Variants in PSMA2 observed in about 807,000 individuals in gnomAD.
PSMA2 encodes proteasome subunit alpha type-2.
In PSMA2, 2 loss-of-function variants were observed where a neutral mutation model predicts 35.9. The ratio of observed to expected loss-of-function variants is 0.06; its 90% CI spans 0.02 to 0.18. PSMA2 has a LOEUF of 0.18. Ranked by LOEUF, PSMA2 falls within the 10% of genes least tolerant of loss-of-function variation. The pLI is 1.00. For missense variants in PSMA2, 126 were observed against 278.8 expected (o/e 0.45, Z 3.90); for synonymous variants, 97 against 98.2 (o/e 0.99, Z 0.07).
At chr7:42,927,480 T>A in intron 1 of PSMA2, 21 bp from the exon 2 acceptor site, 12 of 1,603,128 alleles carry the variant, frequency 7.5e-6, no homozygotes, top group Non-Finnish European at 1.0e-5. Context: ...ACACAGGTAT[T>A]TGTAAGTTCA....
chr7:42,919,825 A>T, intron 6 of PSMA2: 1 of 721,598 alleles, frequency 1.4e-6, no homozygotes, highest in Non-Finnish European at 2.6e-6. Flanking sequence ...TTAGAATCCT[A>T]CAAAGGACAC....
In PSMA2 at chr7:42,927,408, T is replaced by C. The variant is rs1280913912; in HGVS notation, c.93A>G (p.Gly31=). The C allele has an allele frequency of 6.2e-7, 1 of 1,614,120 alleles. No homozygotes were observed. The highest frequency in any genetic ancestry group is 8.5e-7 in the Non-Finnish European group (1 of 1,180,002). ...QIEYALAAVA[G]GAPSVGIKAA... ...CTTTAATTCCCACGGACGGGGCTCCTCCAGCTACAGCAGCCAAAGCATATT... is the reference window on the plus strand; with the variant it reads ...CTTTAATTCCCACGGACGGGGCTCCCCCAGCTACAGCAGCCAAAGCATATT... Residue 31 remains glycine (G), a synonymous_variant, in exon 2 of 8, where the codon GGA becomes GGG. Transcript: ENST00000223321.
At chr7:42,929,142 A>G (rs1786256717) in intron 1 of PSMA2, among the ~76,000 whole-genome samples, 1 of 152,184 alleles carries the variant, frequency 6.6e-6, no homozygotes, top group African/African-American at 2.4e-5. Context: ...CACATAACCT[A>G]ATACCAGGAA....
intron 6 of PSMA2, chr7:42,919,286 A>G: frequency 1.6e-6 from 1 of 614,612 alleles, no homozygotes; most frequent in Non-Finnish European, 3.2e-6. Context: ...GCAGCTGCAG[A>G]TTTCACAAAG....
At chr7:42,926,341 T>C (rs922448073) in intron 3 of PSMA2, among the ~76,000 whole-genome samples, 195 bp downstream of exon 3, 1 of 152,260 alleles carries the variant, frequency 6.6e-6, no homozygotes, top group African/African-American at 2.4e-5. Flanking sequence ...CTTTCACATC[T>C]GAGTTATTCT....
intron 5 of PSMA2, 102 bp from the exon 6 acceptor site, chr7:42,922,033 C>A: frequency 2.4e-6 from 2 of 836,690 alleles, no homozygotes; most frequent in Non-Finnish European, 1.9e-6. Context: ...TCTCTAACTT[C>A]GAAGGTCACA....
At chr7:42,931,683 G>A (rs373011669) in intron 1 of PSMA2, among the ~76,000 whole-genome samples, 146 of 152,228 alleles carry the variant, frequency 9.6e-4, no homozygotes, top group African/African-American at 3.4e-3. Flanking sequence ...GTAAAGCTGA[G>A]AGTTTTCCAA....
Position 42,917,243 on chromosome 7 carries a change from G to A in PSMA2, c.*331C>T, listed in dbSNP as rs926392031. 4.3e-5 allele frequency: 8 copies of A among 187,878 alleles called. No homozygotes were observed. Among genetic ancestry groups the A allele is most frequent in the Non-Finnish European group, 8.8e-5 (8 of 90,782 alleles). 11.6% of individuals were successfully genotyped at this position (187,878 alleles called of 1,614,324 possible). A position where few individuals can be genotyped will look rare whatever the true frequency, so the allele number is the denominator to read the frequency against. ...AGCATTTTGCTTTATGGAAACACAG[G>A]CAACATCTGATAGCGAAGAGGGCAT... is the stretch of plus-strand genomic sequence containing the variant. On this transcript the variant is annotated 3_prime_UTR_variant, in exon 8 of 8. Transcript: ENST00000223321.
At chr7:42,931,066 C>T (rs1359234772) in intron 1 of PSMA2, 1 of 351,820 alleles carries the variant, frequency 2.8e-6, no homozygotes, top group South Asian at 2.0e-5. Flanking sequence ...AGAAAAAAAA[C>T]CCAGTTTGAA....
chr7:42,926,704 A>G (rs746940191), intron 2 of PSMA2, 36 bp from the exon 3 acceptor site: 1 of 1,571,140 alleles, frequency 6.4e-7, no homozygotes, highest in South Asian at 1.2e-5. Context: ...ATGTTTAATC[A>G]TTTTTAAGAC....
At chr7:42,919,013 G>A (rs770964696) in intron 6 of PSMA2, 102 of 249,662 alleles carry the variant, frequency 4.1e-4, no homozygotes, top group Middle Eastern at 2.8e-3. Flanking sequence ...TAGTAGAGAC[G>A]GGGTTTCACC....
intron 4 of PSMA2, 85 bp from the exon 5 acceptor site, chr7:42,923,491 C>G (rs550402184): frequency 1.0e-6 from 1 of 1,002,616 alleles, no homozygotes; most frequent in East Asian, 2.5e-5. Context: ...TCAAATAAAG[C>G]AAATTATCAG....
chr7:42,921,806 A>G (rs1341380964), intron 6 of PSMA2, 52 bp downstream of exon 6: 1 of 1,469,094 alleles, frequency 6.8e-7, no homozygotes, highest in South Asian at 1.2e-5. Flanking sequence ...AAGAGCACCA[A>G]AAACCATAAA....
Position 42,919,226 on chromosome 7 carries a change from A to G in PSMA2, c.531-1391T>C. The G allele has an allele frequency of 3.3e-6, 2 of 614,720 alleles. 1 individual carries two copies. Among genetic ancestry groups the G allele is most frequent in the Non-Finnish European group, 6.3e-6 (2 of 316,706 alleles). 38.1% of individuals were successfully genotyped at this position (614,720 alleles called of 1,614,324 possible). On this transcript the variant is annotated intron_variant, in intron 6 of 7. Coordinates refer to ENST00000223321, the MANE Select transcript of PSMA2 (RefSeq NM_002787.5). ...ATTGGAACAATTTTGGGTCATAAAGATGCTGTCTGGAATGCAACACTGAAT... is the reference window on the plus strand; with the variant it reads ...ATTGGAACAATTTTGGGTCATAAAGGTGCTGTCTGGAATGCAACACTGAAT...
At chr7:42,929,596 T>C (rs1345536553) in intron 1 of PSMA2, among the ~76,000 whole-genome samples, 1 of 152,014 alleles carries the variant, frequency 6.6e-6, no homozygotes, top group African/African-American at 2.4e-5. Flanking sequence ...ATAACTGAAA[T>C]AGCCTTCTAA....
intron 5 of PSMA2, among the ~76,000 whole-genome samples, chr7:42,922,863 G>C (rs535390072): frequency 1.5e-3 from 224 of 152,240 alleles, no homozygotes; most frequent in African/African-American, 5.1e-3. Context: ...TTCTGCATTA[G>C]AGCAGACAAC....
At chr7:42,930,219 A>G (rs1329255778) in intron 1 of PSMA2, among the ~76,000 whole-genome samples, 3 of 2,790 alleles carry the variant, frequency 1.1e-3, no homozygotes, top group African/African-American at 2.0e-3. Context: ...ACACACACAC[A>G]CACACGCACA....
intron 1 of PSMA2, chr7:42,931,172 T>C (rs1232127988): frequency 4.4e-6 from 2 of 453,898 alleles, no homozygotes; most frequent in Non-Finnish European, 8.8e-6. Flanking sequence ...TAACATTCAT[T>C]ATAGCAGTGG....
chr7:42,923,713 T>C (rs1786161771), intron 4 of PSMA2, among the ~76,000 whole-genome samples: 1 of 152,240 alleles, frequency 6.6e-6, no homozygotes, highest in Non-Finnish European at 1.5e-5. Context: ...TTAATGCAGC[T>C]TTTCCACTAG....
Sources: gnomAD v4.1 joint callset for allele counts (sites outside exome capture counted in the v4.1 genomes callset) on GRCh38, gnomAD v4.1.1 for gene constraint, MANE v1.5 for transcripts, NCBI Gene and HGNC (gene_info 2026-07-23, HGNC 2026-07-21) for gene names.